Variants in TNS3 observed in about 807,000 individuals in gnomAD.
The protein encoded by TNS3 is tensin-3.
A neutral mutation model predicts 140.9 loss-of-function variants in TNS3; 45 were observed. The observed-to-expected ratio is 0.32, with a 90% CI of 0.25 to 0.41. The LOEUF (loss-of-function observed/expected upper bound fraction) is 0.41. Among genes scored for constraint, TNS3 ranks in the 10% least tolerant of loss-of-function variants. TNS3 has a pLI of 1.00. For synonymous variants in TNS3, 815 were observed against 788.4 expected, an observed-to-expected ratio of 1.03 and a Z score of -0.56; for missense variants, 1,716 against 1,906.7, an observed-to-expected ratio of 0.90 and a Z score of 1.86.
chr7:47,566,025 T>TA (rs930329727), intron 1 of TNS3, among the ~76,000 whole-genome samples: 2 of 5,670 alleles, frequency 3.5e-4, no homozygotes, highest in Non-Finnish European at 0.01. Context: ...TTCAGATTAG[T>TA]ATACATATTG....
At chr7:47,466,599 T>C (rs943419717) in intron 4 of TNS3, among the ~76,000 whole-genome samples, 3 of 152,220 alleles carry the variant, frequency 2.0e-5, no homozygotes, top group Admixed American at 6.5e-5. Flanking sequence ...CAGTTGCAGA[T>C]GGATCTGAGG....
chr7:47,297,234 G>A (rs1786083617), intron 23 of TNS3, 21 bp from the exon 24 acceptor site: 4 of 1,601,516 alleles, frequency 2.5e-6, no homozygotes, highest in Admixed American at 3.4e-5. Context: ...GGAGGAGAAA[G>A]ACAAGAAGGT....
At chr7:47,504,768 G>A (rs895584058) in intron 3 of TNS3, among the ~76,000 whole-genome samples, 8 of 152,104 alleles carry the variant, frequency 5.3e-5, no homozygotes, top group African/African-American at 7.2e-5. Context: ...CAACAACGAC[G>A]GCATTATATT....
chr7:47,409,336 G>A (rs542923310), intron 13 of TNS3, among the ~76,000 whole-genome samples: 3 of 148,038 alleles, frequency 2.0e-5, no homozygotes, highest in South Asian at 2.2e-4. Flanking sequence ...AGAGGGCCCC[G>A]CCTGGTCTCA....
rs1554350879 is a variant in TNS3, at chr7:47,533,429, C to CTT, written c.-264-4284_-264-4283dup. Among the ~76,000 whole-genome samples the CTT allele has an allele frequency of 7.8e-4, 112 of 144,134 alleles. 2 individuals carry two copies. The highest frequency in any genetic ancestry group is 2.7e-3 in the African/African-American group (105 of 39,042). 94.6% of individuals were successfully genotyped at this position (144,134 alleles called of 152,430 possible). On this transcript the variant is annotated intron_variant, in intron 1 of 30. Coordinates refer to ENST00000311160, the MANE Select transcript of TNS3 (RefSeq NM_022748.12). ...ACAGGTGTGAGCCACCGCACCTGGCCTTTTTTTTTTTTTAAAAGACAAAGG... is the reference window on the plus strand; with the variant it reads ...ACAGGTGTGAGCCACCGCACCTGGCCTTTTTTTTTTTTTTTAAAAGACAAAGG...
chr7:47,546,146 G>C (rs573033300), intron 1 of TNS3, among the ~76,000 whole-genome samples: 1 of 152,298 alleles, frequency 6.6e-6, no homozygotes, highest in Non-Finnish European at 1.5e-5. Context: ...TCTACTCACT[G>C]CCTGCGGGTT....
intron 17 of TNS3, among the ~76,000 whole-genome samples, chr7:47,358,829 T>A (rs1790155810): frequency 6.6e-6 from 1 of 152,052 alleles, no homozygotes; most frequent in South Asian, 2.1e-4. Context: ...ACCACCTACC[T>A]AGGATTCCAT....
chr7:47,571,609 C>T (rs1219797704), intron 1 of TNS3, among the ~76,000 whole-genome samples: 2 of 152,262 alleles, frequency 1.3e-5, no homozygotes, highest in South Asian at 2.1e-4. Context: ...CAGACAATAG[C>T]GATCACAGTC....
intron 2 of TNS3, among the ~76,000 whole-genome samples, chr7:47,516,316 G>A (rs1322066907): frequency 6.6e-6 from 1 of 152,202 alleles, no homozygotes; most frequent in Non-Finnish European, 1.5e-5. Flanking sequence ...TTCCTGTGGA[G>A]CAGCCCATCC....
At chr7:47,351,702 C>T (rs998880547) in intron 17 of TNS3, among the ~76,000 whole-genome samples, 9 of 152,254 alleles carry the variant, frequency 5.9e-5, no homozygotes, top group Middle Eastern at 6.8e-3. Context: ...AGCCAGGCCA[C>T]GGCACCTATG....
intron 10 of TNS3, among the ~76,000 whole-genome samples, chr7:47,416,935 G>A (rs1794112279): frequency 6.6e-6 from 1 of 152,164 alleles, no homozygotes; most frequent in Non-Finnish European, 1.5e-5. Context: ...TGGTCACTGG[G>A]AAATCAGCTT....
intron 16 of TNS3, among the ~76,000 whole-genome samples, chr7:47,377,126 C>A (rs543027096): frequency 3.8e-4 from 58 of 152,334 alleles, no homozygotes; most frequent in African/African-American, 1.3e-3. Context: ...AAATGACTCA[C>A]TTGGGGCCGT....
chr7:47,504,209 C>T (rs189414024), intron 3 of TNS3, among the ~76,000 whole-genome samples: 59 of 152,292 alleles, frequency 3.9e-4, no homozygotes, highest in Non-Finnish European at 4.0e-4. Flanking sequence ...AGTCTTTTGG[C>T]GCTTCTCAAA....
intron 13 of TNS3, among the ~76,000 whole-genome samples, chr7:47,401,227 A>C (rs1793144892): frequency 6.6e-6 from 1 of 152,172 alleles, no homozygotes; most frequent in African/African-American, 2.4e-5. Context: ...GCCACACCTA[A>C]ACCCTTTCAG....
intron 11 of TNS3, 123 bp from the exon 12 acceptor site, chr7:47,414,120 T>C: frequency 9.8e-7 from 1 of 1,025,356 alleles, no homozygotes; most frequent in Non-Finnish European, 1.5e-6. Flanking sequence ...CTTTGAGGTC[T>C]GGGAAAGCAG....
chr7:47,379,406 C>T (rs956588396), intron 16 of TNS3, among the ~76,000 whole-genome samples: 1 of 152,176 alleles, frequency 6.6e-6, no homozygotes, highest in Non-Finnish European at 1.5e-5. Flanking sequence ...AATTCTGACT[C>T]TTTGCTAATT....
chr7:47,465,114 A>T (rs1333716233), intron 4 of TNS3, among the ~76,000 whole-genome samples: 1 of 152,222 alleles, frequency 6.6e-6, no homozygotes, highest in Non-Finnish European at 1.5e-5. Context: ...CTTTATTCAG[A>T]ATGATTTCTT....
chr7:47,357,252 GA>G (rs1490809106), intron 17 of TNS3, among the ~76,000 whole-genome samples: 2 of 152,298 alleles, frequency 1.3e-5, no homozygotes, highest in South Asian at 2.1e-4. Context: ...GATCTTCTAG[GA>G]ATAAAGCGCG....
chr7:47,563,922 G>A (rs192473302), intron 1 of TNS3, among the ~76,000 whole-genome samples: 4 of 152,232 alleles, frequency 2.6e-5, no homozygotes, highest in African/African-American at 7.2e-5. Flanking sequence ...GGCCGGGCGC[G>A]GTGGCTCACG....
Sources: allele counts gnomAD v4.1 joint callset (sites outside exome capture counted in the v4.1 genomes callset), GRCh38; gene constraint gnomAD v4.1.1; transcripts MANE v1.5; gene names NCBI Gene and HGNC (gene_info 2026-07-23, HGNC 2026-07-21).